The following TENM3 variants were observed in gnomAD, a reference collection of about 807,000 sequenced individuals.
The protein encoded by TENM3 is teneurin transmembrane protein 3, also known as teneurin-3.
In TENM3, 63 loss-of-function variants were observed where a neutral mutation model predicts 255.1. The ratio of observed to expected loss-of-function variants is 0.25; its 90% CI spans 0.20 to 0.30. The LOEUF is 0.30. Ranked by LOEUF, TENM3 falls within the 10% of genes least tolerant of loss-of-function variation. TENM3 has a pLI of 1.00. For synonymous variants in TENM3, 1,306 were observed against 1,322.3 expected (o/e 0.99, Z 0.27); for missense variants, 2,929 against 3,461.1 (o/e 0.85, Z 3.86).
intron 1 of TENM3, among the ~76,000 whole-genome samples, chr4:182,150,566 G>A (rs192424834): frequency 2.4e-4 from 37 of 151,918 alleles, no homozygotes; most frequent in African/African-American, 8.4e-4. Flanking sequence ...CTATTTTATA[G>A]GCATGCTTGC....
chr4:181,449,099 TTACA>T, the TENM3 span, among the ~76,000 whole-genome samples: 3 of 152,190 alleles, frequency 2.0e-5, no homozygotes, highest in Non-Finnish European at 4.4e-5. Context: ...TTTATAGGTA[TTACA>T]TATAGCTAGA....
intron 1 of TENM3, among the ~76,000 whole-genome samples, chr4:182,243,977 G>T (rs1237693907): frequency 1.7e-5 from 2 of 120,166 alleles, no homozygotes; most frequent in Non-Finnish European, 3.3e-5. Context: ...TTTTTGAGAC[G>T]GAATCTCGCT....
rs527571374 is a variant in TENM3 at position 182,365,772 on chromosome 4, G to A, written c.511+18843G>A. Among the ~76,000 whole-genome samples the A allele has an allele frequency of 3.3e-5, 5 of 152,258 alleles. No homozygotes were observed. The South Asian group carries it at 6.2e-4, about 19-fold the overall frequency. ...ACTCATACGTTCAGAGAAATGCATC[G>A]TTGGACAATTTTGTCATTGTGTGAA... On this transcript the variant is annotated intron_variant, in intron 3 of 27. Coordinates refer to ENST00000511685, the MANE Select transcript of TENM3 (RefSeq NM_001080477.4).
At chr4:181,899,579 T>G in the TENM3 span, among the ~76,000 whole-genome samples, 12,228 of 151,686 alleles carry the variant, frequency 0.081, 607 homozygotes, top group East Asian at 0.2. Context: ...TTTTTTGGGG[T>G]TTTTTTTGAG....
chr4:182,151,035 C>A (rs995541547), intron 1 of TENM3, among the ~76,000 whole-genome samples: 4 of 152,002 alleles, frequency 2.6e-5, no homozygotes, highest in African/African-American at 9.7e-5. Context: ...ATTGTTGACC[C>A]CCCTCTCTGC....
chr4:181,818,894 T>G, the TENM3 span, among the ~76,000 whole-genome samples: 5 of 152,186 alleles, frequency 3.3e-5, no homozygotes, highest in Non-Finnish European at 5.9e-5. Flanking sequence ...TGAGCCACTG[T>G]GCCTGGCCAG....
chr4:181,613,329 A>G, the TENM3 span, among the ~76,000 whole-genome samples: 1 of 152,150 alleles, frequency 6.6e-6, no homozygotes, highest in Non-Finnish European at 1.5e-5. Flanking sequence ...CTAAACCCAC[A>G]CTAGCAAAGC....
chr4:181,996,654 T>C, the TENM3 span, among the ~76,000 whole-genome samples: 1 of 152,226 alleles, frequency 6.6e-6, no homozygotes, highest in South Asian at 2.1e-4. Flanking sequence ...GGGACACCGT[T>C]TAGAAGGTGA....
the TENM3 span, among the ~76,000 whole-genome samples, chr4:181,984,978 A>G: frequency 6.6e-6 from 1 of 152,040 alleles, no homozygotes; most frequent in Non-Finnish European, 1.5e-5. Flanking sequence ...TCATTATACA[A>G]TTGCTGCACT....
intron 3 of TENM3, among the ~76,000 whole-genome samples, chr4:182,512,140 C>T (rs1737468340): frequency 6.6e-6 from 1 of 152,142 alleles, no homozygotes; most frequent in South Asian, 2.1e-4. Flanking sequence ...ACCTATTTTT[C>T]TGTCTTCCTT....
chr4:182,161,837 G>GTGTATATA (rs1561153828), intron 1 of TENM3, among the ~76,000 whole-genome samples: 1 of 25,044 alleles, frequency 4.0e-5, no homozygotes, highest in Non-Finnish European at 1.4e-4. Flanking sequence ...ACATATATAT[G>GTGTATATA]TGTATATATA....
At chr4:181,944,749 C>T in the TENM3 span, among the ~76,000 whole-genome samples, 8 of 152,140 alleles carry the variant, frequency 5.3e-5, no homozygotes, top group South Asian at 2.1e-4. Flanking sequence ...CTTGCCTTGC[C>T]GCCAACGGGC....
chr4:182,541,370 T>C (rs1740863470), intron 3 of TENM3, among the ~76,000 whole-genome samples: 1 of 152,146 alleles, frequency 6.6e-6, no homozygotes, highest in Non-Finnish European at 1.5e-5. Flanking sequence ...AGCCTCAAAA[T>C]AGAGAGCAGA....
At chr4:181,453,634 C>T in the TENM3 span, among the ~76,000 whole-genome samples, 1 of 152,004 alleles carries the variant, frequency 6.6e-6, no homozygotes, top group Non-Finnish European at 1.5e-5. Flanking sequence ...CACCCAAAGA[C>T]GATGAAGAAA....
At chr4:181,511,451 T>TG in the TENM3 span, among the ~76,000 whole-genome samples, 1 of 152,136 alleles carries the variant, frequency 6.6e-6, no homozygotes, top group African/African-American at 2.4e-5. Flanking sequence ...AAGGAGCTCA[T>TG]GCGTGGGTAC....
intron 3 of TENM3, among the ~76,000 whole-genome samples, chr4:182,448,643 C>A (rs1024942994): frequency 6.6e-5 from 10 of 151,994 alleles, no homozygotes; most frequent in African/African-American, 2.2e-4. Flanking sequence ...AGGAACACGG[C>A]CGCTGCCCGG....
At chr4:181,505,854 G>A in the TENM3 span, among the ~76,000 whole-genome samples, 69 of 152,174 alleles carry the variant, frequency 4.5e-4, no homozygotes, top group African/African-American at 1.4e-3. Context: ...ACTTTCAGCC[G>A]AAATTATACT....
the TENM3 span, among the ~76,000 whole-genome samples, chr4:181,620,670 A>G: frequency 6.6e-6 from 1 of 151,936 alleles, no homozygotes; most frequent in Non-Finnish European, 1.5e-5. Context: ...CTTAAAAAAA[A>G]AAAAAAAGAA....
At chr4:181,920,616 G>T in the TENM3 span, among the ~76,000 whole-genome samples, 1 of 151,900 alleles carries the variant, frequency 6.6e-6, no homozygotes, top group Middle Eastern at 3.2e-3. Context: ...TGAGTTCATT[G>T]TAGATTCTGG....
Sources: allele counts gnomAD v4.1 joint callset (sites outside exome capture counted in the v4.1 genomes callset), GRCh38; gene constraint gnomAD v4.1.1; transcripts MANE v1.5; gene names NCBI Gene and HGNC (gene_info 2026-07-23, HGNC 2026-07-21).